Variants in ATOH8 observed in about 807,000 individuals in gnomAD.
ATOH8 encodes the protein transcription factor ATOH8.
In ATOH8, 9 loss-of-function variants were observed where a neutral mutation model predicts 21.2. That is an observed-to-expected ratio of 0.42 (90% CI 0.26 to 0.74). The LOEUF (loss-of-function observed/expected upper bound fraction) is 0.74, where lower values mean the gene tolerates loss of function less well. Ranked by LOEUF, ATOH8 falls within the 30% of genes least tolerant of loss-of-function variation. The pLI, the probability that ATOH8 is intolerant of heterozygous loss-of-function variation, is 0.24. For missense variants in ATOH8, 524 were observed against 470.9 expected, an observed-to-expected ratio of 1.11 and a Z score of -1.04; for synonymous variants, 253 against 224.0, an observed-to-expected ratio of 1.13 and a Z score of -1.16.
intron 2 of ATOH8, among the ~76,000 whole-genome samples, chr2:85,768,058 G>C (rs1428760547): frequency 6.6e-6 from 1 of 152,152 alleles, no homozygotes; most frequent in South Asian, 2.1e-4. Context: ...GGACAGGAGC[G>C]TGGGCCCAGT....
At chr2:85,772,574 C>T (rs1316186224) in intron 2 of ATOH8, 2 of 393,432 alleles carry the variant, frequency 5.1e-6, no homozygotes, top group Admixed American at 6.6e-5. Flanking sequence ...CTGGCACATT[C>T]CCCAGCTCTC....
In ATOH8 at chr2:85,787,229, C is replaced by A. The variant is rs992643279; in HGVS notation, c.*339C>A. The A allele has an allele frequency of 3.4e-5, 12 of 351,994 alleles. No homozygotes were observed. The highest frequency in any genetic ancestry group is 5.7e-5 in the Non-Finnish European group (11 of 192,464). 21.8% of individuals were successfully genotyped at this position (351,994 alleles called of 1,614,324 possible). ...ACCGAAGGAAATGGGGTGGTGAAAC[C>A]CCACAGCGAAAAGCCACACCGTTGC... On this transcript the variant is annotated 3_prime_UTR_variant, in exon 3 of 3. Transcript: ENST00000306279.
Position 85,754,177 on chromosome 2 carries a change from C to G in ATOH8, c.-13C>G. ...GGCAGCCCCACGCCCCTGCCTCGCGCGCCGCCCGCGCCATGAAGCACATCC... is the reference window on the plus strand; with the variant it reads ...GGCAGCCCCACGCCCCTGCCTCGCGGGCCGCCCGCGCCATGAAGCACATCC... On this transcript the variant is annotated 5_prime_UTR_variant, in exon 1 of 3. Coordinates refer to ENST00000306279, the MANE Select transcript of ATOH8 (RefSeq NM_032827.7). The G allele has an allele frequency of 6.4e-7, 1 of 1,553,460 alleles. No individual in the cohort carries two copies. Among genetic ancestry groups the G allele is most frequent in the South Asian group, 1.2e-5 (1 of 84,504 alleles).
intron 2 of ATOH8, among the ~76,000 whole-genome samples, chr2:85,768,856 TG>T (rs1680099003): frequency 6.6e-6 from 1 of 152,166 alleles, no homozygotes; most frequent in Non-Finnish European, 1.5e-5. Flanking sequence ...GAGCCCCATT[TG>T]GAAGCCCCAG....
chr2:85,775,122 G>T, intron 2 of ATOH8: 1 of 926,166 alleles, frequency 1.1e-6, no homozygotes, highest in Non-Finnish European at 1.3e-6. Flanking sequence ...TTTTTAGGTG[G>T]TATGCTATGT....
At chr2:85,764,396 C>T (rs1191831370) in intron 2 of ATOH8, among the ~76,000 whole-genome samples, 1 of 152,166 alleles carries the variant, frequency 6.6e-6, no homozygotes. Context: ...TGGGTGACCT[C>T]GAACAGTCAC....
chr2:85,776,092 C>T (rs1450814059), intron 2 of ATOH8, among the ~76,000 whole-genome samples: 1 of 152,222 alleles, frequency 6.6e-6, no homozygotes, highest in African/African-American at 2.4e-5. Flanking sequence ...TTTCTTGAAT[C>T]CTAGAACAAG....
chr2:85,754,771 A>G lies in ATOH8; in HGVS notation c.582A>G (p.Ser194=). ...GCCCCGGGGAAAGTTCCTACTCGTC[A>G]ATTTCACACGTAATTTACAATAACC... ...PTRPGESSYS[S]ISHVIYNNHQ... Residue 194 remains serine (S), a synonymous_variant, in exon 1 of 3, where the codon TCA becomes TCG. Transcript: ENST00000306279. 6.2e-7 allele frequency: 1 copy of G among 1,612,938 alleles called. No homozygotes were observed. Among genetic ancestry groups the G allele is most frequent in the South Asian group, 1.1e-5 (1 of 91,088 alleles).
At chr2:85,780,553 G>A (rs1016825825) in intron 2 of ATOH8, 1 of 152,366 alleles carries the variant, frequency 6.6e-6, no homozygotes, top group African/African-American at 2.4e-5. Flanking sequence ...GCAGCCTTGA[G>A]AAATACAGAA....
intron 2 of ATOH8, chr2:85,774,876 A>T: frequency 1.1e-6 from 1 of 920,832 alleles, no homozygotes; most frequent in Non-Finnish European, 1.3e-6. Context: ...GCCCTTCTCC[A>T]CTGTCTGCCT....
rs1680760157 is a variant in ATOH8, at chr2:85,791,233, C to A, written c.*4343C>A. Among the ~76,000 whole-genome samples the A allele has an allele frequency of 1.3e-5, 2 of 152,174 alleles. No individual in the cohort carries two copies. Among genetic ancestry groups the A allele is most frequent in the Non-Finnish European group, 2.9e-5 (2 of 68,036 alleles). ...ACAGTGTTTTCCAGAACTGTGGGTA[C>A]GTGTCTAATCTCAGATGGTACTATG... is the stretch of plus-strand genomic sequence containing the variant. On this transcript the variant is annotated 3_prime_UTR_variant, in exon 3 of 3. Transcript: ENST00000306279.
At chr2:85,786,767 C>T in intron 2 of ATOH8, 118 bp from the exon 3 acceptor site, 4 of 1,378,316 alleles carry the variant, frequency 2.9e-6, no homozygotes, top group South Asian at 1.2e-5. Context: ...CTTATCGAAC[C>T]CTTCAAGGTG....
At chr2:85,762,222 G>C (rs1573523603) in intron 1 of ATOH8, among the ~76,000 whole-genome samples, 1 of 152,174 alleles carries the variant, frequency 6.6e-6, no homozygotes, top group African/African-American at 2.4e-5. Flanking sequence ...GGAAACCGAG[G>C]CTCAGAAAGA....
rs545560221 is a variant in ATOH8 at position 85,788,400 on chromosome 2, A to G, written c.*1510A>G. Among the ~76,000 whole-genome samples the G allele has an allele frequency of 2.6e-5, 4 of 152,082 alleles. No individual in the cohort carries two copies. Among genetic ancestry groups the G allele is most frequent in the Non-Finnish European group, 5.9e-5 (4 of 68,008 alleles). The stretch of plus-strand genomic sequence containing the variant: ...ATGGGGTAACTGAGGCCTCAAGTAG[A>G]CAGGGTCAGTCGGTGACAGAGCCAG... On this transcript the variant is annotated 3_prime_UTR_variant, in exon 3 of 3. Coordinates refer to ENST00000306279, the MANE Select transcript of ATOH8 (RefSeq NM_032827.7).
At position 85,790,118 on chromosome 2, in the gene ATOH8, G is replaced by A. The variant is rs1371170755; in HGVS notation, c.*3228G>A. 1.3e-5 allele frequency among the ~76,000 whole-genome samples: 2 copies of A among 152,206 alleles called. No individual in the cohort carries two copies. The highest frequency in any genetic ancestry group is 2.9e-5 in the Non-Finnish European group (2 of 68,040). On this transcript the variant is annotated 3_prime_UTR_variant, in exon 3 of 3. Coordinates refer to ENST00000306279, the MANE Select transcript of ATOH8 (RefSeq NM_032827.7). ...TAAATGACGAGGAGCTGCCCTCATGGGGCCCTGTGAAAGCACTTTGCAGTC... is the reference window on the plus strand; with the variant it reads ...TAAATGACGAGGAGCTGCCCTCATGAGGCCCTGTGAAAGCACTTTGCAGTC...
In ATOH8 at chr2:85,764,196, G is replaced by T. The variant is rs751650499; in HGVS notation, c.960+14G>T. 9 of 1,613,168 alleles carry T rather than the reference G, an allele frequency of 5.6e-6. No individual in the cohort carries two copies. The highest frequency in any genetic ancestry group is 7.6e-6 in the Non-Finnish European group (9 of 1,179,386). On this transcript the variant is annotated intron_variant, in intron 2 of 2. Coordinates refer to ENST00000306279, the MANE Select transcript of ATOH8 (RefSeq NM_032827.7). Reference sequence around the variant, plus strand: ...AAGAAGCGCAAGGTATGCACCAGCTGGGTGGGCGGTAGCTTCTGGGGAGCA... The same window carrying T: ...AAGAAGCGCAAGGTATGCACCAGCTTGGTGGGCGGTAGCTTCTGGGGAGCA...
intron 2 of ATOH8, among the ~76,000 whole-genome samples, chr2:85,776,213 G>A (rs1259587863): frequency 4.6e-5 from 7 of 152,180 alleles, no homozygotes; most frequent in Non-Finnish European, 7.3e-5. Context: ...CCAGGCCACC[G>A]CTGTCCTCTG....
At chr2:85,762,533 T>C (rs992707246) in intron 1 of ATOH8, among the ~76,000 whole-genome samples, 1 of 152,126 alleles carries the variant, frequency 6.6e-6, no homozygotes, top group Non-Finnish European at 1.5e-5. Context: ...GACTGAGCAC[T>C]AAAGAGCCAC....
chr2:85,757,258 G>A (rs539356217), intron 1 of ATOH8, among the ~76,000 whole-genome samples: 1 of 152,370 alleles, frequency 6.6e-6, no homozygotes, highest in African/African-American at 2.4e-5. Flanking sequence ...AGGGGCCAAG[G>A]CCACACCCAC....
Sources: allele counts gnomAD v4.1 joint callset (sites outside exome capture counted in the v4.1 genomes callset), GRCh38; gene constraint gnomAD v4.1.1; transcripts MANE v1.5; gene names NCBI Gene and HGNC (gene_info 2026-07-23, HGNC 2026-07-21).